The following CCDC3 variants were observed in gnomAD, a reference collection of about 807,000 sequenced individuals.
CCDC3 encodes the protein coiled-coil domain containing 3.
Under a neutral mutation model 21.4 loss-of-function variants are expected in CCDC3, and 24 were observed. The observed-to-expected ratio is 1.12, with a 90% CI of 0.81 to 1.58. The LOEUF (loss-of-function observed/expected upper bound fraction) is 1.58. Ranked by LOEUF, CCDC3 falls within the 40% of genes most tolerant of loss-of-function variation. The pLI is 0.00. For missense variants in CCDC3, 425 were observed against 360.9 expected (o/e 1.18, Z -1.44); for synonymous variants, 186 against 166.0 (o/e 1.12, Z -0.93).
rs529528760 is a variant in CCDC3 at position 12,942,924 on chromosome 10, G to A, written c.550-44245C>T. 4.1e-3 allele frequency among the ~76,000 whole-genome samples: 618 copies of A among 152,226 alleles called. 5 individuals carry two copies. The highest frequency in any genetic ancestry group is 0.014 in the African/African-American group (576 of 41,538). ...ATCTCCTTGGTGTGAGGCAAAGAAC[G>A]TGGGGTATTACCGCAGATGAATGAC... On this transcript the variant is annotated intron_variant, in intron 2 of 2. Coordinates refer to ENST00000378825, the MANE Select transcript of CCDC3 (RefSeq NM_031455.4).
At chr10:13,097,979 T>C (rs201275372) in intron 3 of CCDC3, among the ~76,000 whole-genome samples, 2 of 152,198 alleles carry the variant, frequency 1.3e-5, no homozygotes, top group African/African-American at 4.8e-5. Flanking sequence ...CTTAGAACTT[T>C]CTGGATTTGG....
chr10:12,922,255 G>A (rs745956015), intron 2 of CCDC3, among the ~76,000 whole-genome samples: 5 of 152,120 alleles, frequency 3.3e-5, no homozygotes, highest in Non-Finnish European at 5.9e-5. Context: ...AGCTGCCCAC[G>A]GAGCACAGGC....
chr10:12,962,557 C>G (rs184092551), intron 2 of CCDC3, among the ~76,000 whole-genome samples: 1 of 152,136 alleles, frequency 6.6e-6, no homozygotes, highest in Non-Finnish European at 1.5e-5. Context: ...AAGCCAAGAT[C>G]GCACCACTGC....
chr10:13,014,769 T>G (rs1836030596), intron 5 of CCDC3, among the ~76,000 whole-genome samples: 1 of 152,120 alleles, frequency 6.6e-6, no homozygotes, highest in Admixed American at 6.5e-5. Flanking sequence ...AGAAGAAAAT[T>G]TACTAAATAA....
At chr10:13,096,890 C>T (rs949912685) in intron 3 of CCDC3, among the ~76,000 whole-genome samples, 1 of 152,156 alleles carries the variant, frequency 6.6e-6, no homozygotes, top group Non-Finnish European at 1.5e-5. Flanking sequence ...TTGTGAAAGC[C>T]TCCACCCCAC....
chr10:13,091,612 G>A (rs536468623), intron 3 of CCDC3, among the ~76,000 whole-genome samples: 1 of 152,174 alleles, frequency 6.6e-6, no homozygotes, highest in South Asian at 2.1e-4. Context: ...CCATTCAGTC[G>A]CCCAACGCAG....
chr10:13,008,614 G>A (rs1194815780), intron 5 of CCDC3, among the ~76,000 whole-genome samples: 1 of 152,134 alleles, frequency 6.6e-6, no homozygotes, highest in Non-Finnish European at 1.5e-5. Context: ...ATCCTGTGGT[G>A]GTGAAACATG....
chr10:12,898,819 G>T, intron 2 of CCDC3, 140 bp from the exon 3 acceptor site: 2 of 998,654 alleles, frequency 2.0e-6, no homozygotes, highest in Non-Finnish European at 1.4e-6. Flanking sequence ...ATAAACCCCA[G>T]GATGTCCTTG....
At chr10:12,979,194 C>T (rs1219567681) in intron 2 of CCDC3, among the ~76,000 whole-genome samples, 1 of 152,156 alleles carries the variant, frequency 6.6e-6, no homozygotes, top group African/African-American at 2.4e-5. Flanking sequence ...CAATTACCAA[C>T]TTATCTTCAC....
intron 2 of CCDC3, among the ~76,000 whole-genome samples, chr10:12,916,880 T>C (rs1025045558): frequency 2.6e-5 from 4 of 152,136 alleles, no homozygotes; most frequent in African/African-American, 9.7e-5. Flanking sequence ...ATGAGAGCCA[T>C]CTAAGTGCTG....
chr10:13,071,980 T>C (rs1836887815), intron 4 of CCDC3, among the ~76,000 whole-genome samples: 1 of 152,136 alleles, frequency 6.6e-6, no homozygotes, highest in South Asian at 2.1e-4. Flanking sequence ...GGCTGGTTGG[T>C]TTAGTACTGG....
At chr10:13,022,764 A>G (rs929356156) in intron 5 of CCDC3, among the ~76,000 whole-genome samples, 6 of 152,226 alleles carry the variant, frequency 3.9e-5, no homozygotes, top group African/African-American at 1.2e-4. Flanking sequence ...AGATATTAGT[A>G]TCTATGTATC....
intron 3 of CCDC3, among the ~76,000 whole-genome samples, chr10:13,092,350 A>G (rs1326027950): frequency 6.6e-6 from 1 of 152,212 alleles, no homozygotes; most frequent in African/African-American, 2.4e-5. Context: ...CAGCTTTTGA[A>G]GTCTCTGAAA....
Position 12,898,648 on chromosome 10 carries a change from A to G in CCDC3, c.581T>C (p.Phe194Ser), listed in dbSNP as rs769050515. The G allele has an allele frequency of 6.3e-5, 102 of 1,614,090 alleles. No individual in the cohort carries two copies. The highest frequency in any genetic ancestry group is 7.6e-5 in the Non-Finnish European group (90 of 1,180,032). The change falls in exon 3 of 3, where the codon TTT becomes TCT. Residue 194 changes from phenylalanine to serine, a missense_variant. Coordinates refer to ENST00000378825, the MANE Select transcript of CCDC3 (RefSeq NM_031455.4). Reference protein sequence around the residue: ...LMCSSVQKALFEEEDHVKKLQ... With the variant: ...LMCSSVQKALSEEEDHVKKLQ... ...TTTCTTGACGTGGTCCTCCTCCTCAAACAAGGCCTTCTGCACCGAGGAGCA... is the reference window on the plus strand; with the variant it reads ...TTTCTTGACGTGGTCCTCCTCCTCAGACAAGGCCTTCTGCACCGAGGAGCA...
At chr10:12,994,430 C>A (rs1160129183) in intron 2 of CCDC3, among the ~76,000 whole-genome samples, 2 of 150,022 alleles carry the variant, frequency 1.3e-5, no homozygotes, top group African/African-American at 5.0e-5. Flanking sequence ...AAAAAACACC[C>A]AGCACCCAGC....
chr10:12,930,649 G>A (rs1246884393), intron 2 of CCDC3, among the ~76,000 whole-genome samples: 1 of 152,168 alleles, frequency 6.6e-6, no homozygotes, highest in African/African-American at 2.4e-5. Context: ...TTGCCCTGGG[G>A]ACAGTTGGCA....
At chr10:12,947,128 C>T (rs969700967) in intron 2 of CCDC3, among the ~76,000 whole-genome samples, 2 of 151,562 alleles carry the variant, frequency 1.3e-5, no homozygotes, top group South Asian at 2.1e-4. Context: ...CATTCCCATT[C>T]TCATCTTTTG....
At chr10:12,919,562 C>T (rs1834413337) in intron 2 of CCDC3, among the ~76,000 whole-genome samples, 1 of 148,452 alleles carries the variant, frequency 6.7e-6, no homozygotes, top group Non-Finnish European at 1.5e-5. Flanking sequence ...TGCACTCCAG[C>T]CTGGGCTACA....
intron 4 of CCDC3, among the ~76,000 whole-genome samples, chr10:13,071,995 A>T (rs1836888018): frequency 6.6e-6 from 1 of 152,172 alleles, no homozygotes; most frequent in African/African-American, 2.4e-5. Flanking sequence ...TACTGGGCTC[A>T]GGAGAAGGGA....
Sources: gnomAD v4.1 joint callset for allele counts (sites outside exome capture counted in the v4.1 genomes callset) on GRCh38, gnomAD v4.1.1 for gene constraint, MANE v1.5 for transcripts, NCBI Gene and HGNC (gene_info 2026-07-23, HGNC 2026-07-21) for gene names.